AP4S1: variants seen among roughly 807,000 people sequenced by gnomAD.
AP4S1 encodes adaptor related protein complex 4 subunit sigma 1.
Under a neutral mutation model 19.8 loss-of-function variants are expected in AP4S1, and 23 were observed. The observed-to-expected ratio is 1.16, with a 90% CI of 0.84 to 1.65. The LOEUF is 1.65. Among genes scored for constraint, AP4S1 ranks in the 40% most tolerant of loss-of-function variants. AP4S1 has a pLI of 0.00. For missense variants in AP4S1, 166 were observed against 172.8 expected, an observed-to-expected ratio of 0.96 and a Z score of 0.22; for synonymous variants, 46 against 54.1, an observed-to-expected ratio of 0.85 and a Z score of 0.66.
rs1888154864 is a variant in AP4S1 at position 31,094,571 on chromosome 14, G to C, written c.*1536G>C. 1 of 152,452 alleles carries C rather than the reference G, an allele frequency of 6.6e-6. No individual in the cohort carries two copies. 9.4% of individuals were successfully genotyped at this position (152,452 alleles called of 1,614,324 possible). On this transcript the variant is annotated 3_prime_UTR_variant, in exon 6 of 6. Coordinates refer to ENST00000542754, the MANE Select transcript of AP4S1 (RefSeq NM_001128126.3). ...GATCGTGTCACTGCACTCCAGCCTG[G>C]GTGACAGAGTGAAACCCTGTCTCAA...
intron 5 of AP4S1, among the ~76,000 whole-genome samples, chr14:31,086,644 G>A (rs187656023): frequency 7.9e-5 from 12 of 152,160 alleles, no homozygotes; most frequent in East Asian, 7.8e-4. Context: ...TCCAACTTCC[G>A]ACTTCAGGTG....
chr14:31,026,472 T>G, intron 1 of AP4S1: 1 of 376,428 alleles, frequency 2.7e-6, no homozygotes, highest in Non-Finnish European at 4.7e-6. Flanking sequence ...GGGCCGTCAC[T>G]AGCGCACAGC....
chr14:31,042,638 C>T (rs554320981), intron 1 of AP4S1, among the ~76,000 whole-genome samples: 1 of 152,258 alleles, frequency 6.6e-6, no homozygotes, highest in African/African-American at 2.4e-5. Context: ...CAGTTTTTCT[C>T]GCCAGCCTGG....
At chr14:31,091,525 C>CT (rs370922349) in intron 5 of AP4S1, among the ~76,000 whole-genome samples, 4,305 of 141,390 alleles carry the variant, frequency 0.03, 141 homozygotes, top group African/African-American at 0.088. Flanking sequence ...CAGAATAACG[C>CT]TTTTTTTTTT....
chr14:31,030,734 C>T (rs1884340894), intron 1 of AP4S1, among the ~76,000 whole-genome samples: 1 of 152,162 alleles, frequency 6.6e-6, no homozygotes, highest in African/African-American at 2.4e-5. Flanking sequence ...GTGACCCAGA[C>T]ACGTAATCTC....
intron 1 of AP4S1, chr14:31,026,068 C>A (rs1283385687): frequency 6.6e-7 from 1 of 1,520,550 alleles, no homozygotes; most frequent in Non-Finnish European, 8.8e-7. Flanking sequence ...GGACCCCCGC[C>A]GCCCGCCGCT....
At chr14:31,085,431 T>G in intron 5 of AP4S1, 1 of 986,570 alleles carries the variant, frequency 1.0e-6, no homozygotes, top group Non-Finnish European at 1.2e-6. Context: ...TAGGCTAGAA[T>G]CCAGGCCCCA....
chr14:31,052,899 A>T (rs1338920366), intron 1 of AP4S1, among the ~76,000 whole-genome samples: 1 of 151,782 alleles, frequency 6.6e-6, no homozygotes, highest in East Asian at 1.9e-4. Context: ...AATTTAATAC[A>T]AGAAAGGAGG....
In AP4S1 at chr14:31,059,130, T is replaced by C. The variant is rs537496422; in HGVS notation, c.-71-6996T>C. ...GGCATTGTATATTCTATAGTAAAAA[T>C]AGTTTACAGTTGTGTTTCTCTAGTT... On this transcript the variant is annotated intron_variant, in intron 1 of 5. Coordinates refer to ENST00000542754, the MANE Select transcript of AP4S1 (RefSeq NM_001128126.3). 7.6e-4 allele frequency among the ~76,000 whole-genome samples: 116 copies of C among 152,334 alleles called. 4 individuals are homozygous for C. The South Asian group carries it at 0.022, about 29-fold the overall frequency.
chr14:31,076,974 C>G (rs1887392918), intron 4 of AP4S1, among the ~76,000 whole-genome samples: 4 of 152,078 alleles, frequency 2.6e-5, no homozygotes, highest in Admixed American at 2.6e-4. Flanking sequence ...TCTTGTTGCC[C>G]AGGTTGGAGT....
chr14:31,067,910 C>G (rs896519400), intron 2 of AP4S1, among the ~76,000 whole-genome samples: 16 of 151,618 alleles, frequency 1.1e-4, no homozygotes, highest in Non-Finnish European at 1.8e-4. Flanking sequence ...TTGCTCTTGC[C>G]CAGGCTGGAG....
chr14:31,044,875 A>G lies in AP4S1; in HGVS notation c.-72+19088A>G, dbSNP rs79479957. Among the ~76,000 whole-genome samples the G allele has an allele frequency of 9.8e-3, 1,493 of 151,816 alleles. 32 individuals carry two copies. The highest frequency in any genetic ancestry group is 0.034 in the African/African-American group (1,396 of 41,404). ...GGTTTGGGGGCAGACATGACAGTAT[A>G]TTCTTTATTTTAAAAGATACGTTTT... is the stretch of plus-strand genomic sequence containing the variant. On this transcript the variant is annotated intron_variant, in intron 1 of 5. Coordinates refer to ENST00000542754, the MANE Select transcript of AP4S1 (RefSeq NM_001128126.3).
rs146749882 is a variant in AP4S1 at position 31,083,469 on chromosome 14, A to C, written c.306+2885A>C. 910 of 434,606 alleles carry C rather than the reference A, an allele frequency of 2.1e-3. 12 individuals carry two copies. The highest frequency in any genetic ancestry group is 0.019 in the African/African-American group (810 of 42,718). The allele number at this position is 434,606 out of a possible 1,614,324, so 26.9% of individuals were successfully genotyped here. On this transcript the variant is annotated intron_variant, in intron 5 of 5. Transcript: ENST00000542754. Reference sequence around the variant, plus strand: ...AGTAGAGCAGGCAGCAGAGAAGGGCATGTGGCACCTCTTTTCTGTTGACAC... The same window carrying C: ...AGTAGAGCAGGCAGCAGAGAAGGGCCTGTGGCACCTCTTTTCTGTTGACAC...
chr14:31,045,559 G>A (rs1193937963), intron 1 of AP4S1, among the ~76,000 whole-genome samples: 1 of 152,046 alleles, frequency 6.6e-6, no homozygotes, highest in Non-Finnish European at 1.5e-5. Context: ...GTAAGTTTGC[G>A]AGGCCTCCCC....
At chr14:31,041,818 G>C (rs1196407055) in intron 1 of AP4S1, among the ~76,000 whole-genome samples, 1 of 152,098 alleles carries the variant, frequency 6.6e-6, no homozygotes, top group African/African-American at 2.4e-5. Flanking sequence ...GTCAAAGTAA[G>C]TATTTAATTC....
At chr14:31,087,864 T>C (rs1288463653) in intron 5 of AP4S1, among the ~76,000 whole-genome samples, 2 of 152,242 alleles carry the variant, frequency 1.3e-5, no homozygotes, top group African/African-American at 4.8e-5. Flanking sequence ...GTTGAGAACA[T>C]GCTCTCCAAA....
chr14:31,042,111 A>G (rs906179167), intron 1 of AP4S1, among the ~76,000 whole-genome samples: 1 of 152,220 alleles, frequency 6.6e-6, no homozygotes, highest in African/African-American at 2.4e-5. Flanking sequence ...GATTACAGGC[A>G]TGAGCCACCG....
chr14:31,032,813 C>G (rs1208089692), intron 1 of AP4S1, among the ~76,000 whole-genome samples: 1 of 152,154 alleles, frequency 6.6e-6, no homozygotes, highest in Non-Finnish European at 1.5e-5. Flanking sequence ...GGATTACAGG[C>G]ATGAGCCACC....
chr14:31,073,190 A>G (rs1887111889), intron 4 of AP4S1: 11 of 514,392 alleles, frequency 2.1e-5, no homozygotes, highest in Non-Finnish European at 3.1e-5. Context: ...AACTGGAAAA[A>G]AAAAAAAAAA....
Sources: allele counts gnomAD v4.1 joint callset (sites outside exome capture counted in the v4.1 genomes callset), GRCh38; gene constraint gnomAD v4.1.1; transcripts MANE v1.5; gene names NCBI Gene and HGNC (gene_info 2026-07-23, HGNC 2026-07-21).